The following TNFRSF10C variants were observed in gnomAD, a reference collection of about 807,000 sequenced individuals.
The protein encoded by TNFRSF10C is TNF receptor superfamily member 10c, also known as tumor necrosis factor receptor superfamily member 10C.
TNFRSF10C carries 17 observed loss-of-function variants against 16.7 expected under a neutral mutation model. The ratio of observed to expected loss-of-function variants is 1.02; its 90% CI spans 0.70 to 1.53. The LOEUF (loss-of-function observed/expected upper bound fraction) is 1.53. TNFRSF10C is among the 40% of genes most tolerant of loss of function. The pLI, the probability that TNFRSF10C is intolerant of heterozygous loss-of-function variation, is 0.00. For missense variants in TNFRSF10C, 237 were observed against 329.7 expected, an observed-to-expected ratio of 0.72 and a Z score of 2.18; for synonymous variants, 73 against 119.7, an observed-to-expected ratio of 0.61 and a Z score of 2.55.
At chr8:23,110,527 A>G (rs1159889785) in intron 1 of TNFRSF10C, among the ~76,000 whole-genome samples, 1 of 152,260 alleles carries the variant, frequency 6.6e-6, no homozygotes. Flanking sequence ...TTCTACAAAC[A>G]AGGAAATTAA....
Position 23,115,525 on chromosome 8 carries a change from T to C in TNFRSF10C, c.298T>C (p.Ser100Pro), listed in dbSNP as rs1221273036. ...GTTGTCAGATCAAAAACATAAAAGT[T>C]CCTGCACCATGACCAGAGACACAGT... ...VCKSDQKHKS[S>P]CTMTRDTVCQ... Residue 100 changes from serine (S) to proline (P), a missense_variant, in exon 4 of 5, where the codon TCC becomes CCC. Around this residue, in one of 2 missense-constraint regions of TNFRSF10C, gnomAD observed 212 missense variants for 196.8 expected, o/e 1.08. Coordinates refer to ENST00000356864, the MANE Select transcript of TNFRSF10C (RefSeq NM_003841.5). 3.1e-6 allele frequency: 5 copies of C among 1,612,802 alleles called. No homozygotes were observed. The highest frequency in any genetic ancestry group is 4.2e-6 in the Non-Finnish European group (5 of 1,179,368).
chr8:23,116,489 A>G, intron 4 of TNFRSF10C, 152 bp from the exon 5 acceptor site: 4 of 1,079,778 alleles, frequency 3.7e-6, no homozygotes, highest in South Asian at 1.6e-5. Context: ...CCCAGCCTCA[A>G]CGAGGGAACT....
intron 1 of TNFRSF10C, among the ~76,000 whole-genome samples, chr8:23,108,702 G>T (rs1813822746): frequency 6.6e-6 from 1 of 152,200 alleles, no homozygotes; most frequent in South Asian, 2.1e-4. Flanking sequence ...CTGTTTCTCT[G>T]CACTTGCTAG....
At chr8:23,116,460 G>A (rs1033084333) in intron 4 of TNFRSF10C, among the ~76,000 whole-genome samples, 181 bp from the exon 5 acceptor site, 1 of 152,316 alleles carries the variant, frequency 6.6e-6, no homozygotes, top group Admixed American at 6.5e-5. Context: ...GGGCTGAAAT[G>A]CGCATGCTCA....
intron 1 of TNFRSF10C, among the ~76,000 whole-genome samples, chr8:23,105,955 C>T (rs1813768025): frequency 6.6e-6 from 1 of 152,186 alleles, no homozygotes; most frequent in Non-Finnish European, 1.5e-5. Context: ...TCTGTCCTGC[C>T]CTTGGCCTCT....
Position 23,117,114 on chromosome 8 carries a change from C to A in TNFRSF10C, c.*83C>A. On this transcript the variant is annotated 3_prime_UTR_variant, in exon 5 of 5. Coordinates refer to ENST00000356864, the MANE Select transcript of TNFRSF10C (RefSeq NM_003841.5). ...CTGAGGGCGGGGGGCGCTGGACACT[C>A]TCTGCCCTGCCTCCCTCTGCTGTGT... 6.5e-7 allele frequency: 1 copy of A among 1,549,860 alleles called. No homozygotes were observed. The highest frequency in any genetic ancestry group is 1.2e-5 in the South Asian group (1 of 81,292).
chr8:23,103,250 G>C, intron 1 of TNFRSF10C, 69 bp downstream of exon 1: 1 of 1,570,416 alleles, frequency 6.4e-7, no homozygotes, highest in African/African-American at 1.3e-5. Context: ...AGGGAGACGG[G>C]GACACGGCAG....
chr8:23,103,056 C>G lies in TNFRSF10C; in HGVS notation c.-66C>G. ...GTTAGGGAACTCTGGGGACAGAGCG[C>G]CCCGGCCGCCTGATGGCCGAGGCAG... On this transcript the variant is annotated 5_prime_UTR_variant, in exon 1 of 5. Coordinates refer to ENST00000356864, the MANE Select transcript of TNFRSF10C (RefSeq NM_003841.5). 1 of 1,579,458 alleles carries G rather than the reference C, an allele frequency of 6.3e-7. No individual in the cohort carries two copies. The highest frequency in any genetic ancestry group is 1.2e-5 in the South Asian group (1 of 86,342).
At chr8:23,105,539 G>A (rs1307527845) in intron 1 of TNFRSF10C, among the ~76,000 whole-genome samples, 1 of 152,240 alleles carries the variant, frequency 6.6e-6, no homozygotes, top group Non-Finnish European at 1.5e-5. Flanking sequence ...CCACAGCCTG[G>A]TTTACCTGCC....
At chr8:23,106,080 T>C (rs570393770) in intron 1 of TNFRSF10C, among the ~76,000 whole-genome samples, 2 of 152,150 alleles carry the variant, frequency 1.3e-5, no homozygotes, top group African/African-American at 4.8e-5. Flanking sequence ...AAGTGATTCA[T>C]CCAGGAAGTA....
chr8:23,112,713 A>G (rs1813902421), intron 2 of TNFRSF10C, among the ~76,000 whole-genome samples: 2 of 152,156 alleles, frequency 1.3e-5, no homozygotes, highest in African/African-American at 4.8e-5. Flanking sequence ...TTAACTTTTC[A>G]TCCATCCATG....
rs1016885604 is a variant in TNFRSF10C at position 23,115,726 on chromosome 8, G to C, written c.389+110G>C. 5.0e-6 allele frequency: 4 copies of C among 805,362 alleles called. No individual in the cohort carries two copies. The African/African-American group carries it at 6.9e-5, about 14-fold the overall frequency. 49.9% of individuals were successfully genotyped at this position (805,362 alleles called of 1,614,324 possible). Reference sequence around the variant, plus strand: ...CCTATGGAGCCTCCAGACCCATGGGGTGTCCCTGAGCCTGTGGGGTCTCTT... The same window carrying C: ...CCTATGGAGCCTCCAGACCCATGGGCTGTCCCTGAGCCTGTGGGGTCTCTT... On this transcript the variant is annotated intron_variant, in intron 4 of 4. Transcript: ENST00000356864.
At chr8:23,107,253 C>G (rs184025419) in intron 1 of TNFRSF10C, among the ~76,000 whole-genome samples, 1 of 152,300 alleles carries the variant, frequency 6.6e-6, no homozygotes, top group East Asian at 1.9e-4. Flanking sequence ...GGAATCCACA[C>G]AGAATGCTTA....
chr8:23,104,159 A>C (rs1195642989), intron 1 of TNFRSF10C, among the ~76,000 whole-genome samples: 1 of 152,230 alleles, frequency 6.6e-6, no homozygotes, highest in Non-Finnish European at 1.5e-5. Context: ...TGAAGAGAGA[A>C]TGCATGGATG....
chr8:23,109,855 C>T (rs565318014), intron 1 of TNFRSF10C, among the ~76,000 whole-genome samples: 4 of 151,820 alleles, frequency 2.6e-5, no homozygotes, highest in Admixed American at 2.0e-4. Context: ...CACTTGAGCT[C>T]AGGAGTTAAA....
chr8:23,110,424 TAAAGA>T (rs1813859685), intron 1 of TNFRSF10C, among the ~76,000 whole-genome samples: 1 of 152,164 alleles, frequency 6.6e-6, no homozygotes, highest in South Asian at 2.1e-4. Context: ...ACTCCCAACT[TAAAGA>T]AAAGTTACAA....
intron 1 of TNFRSF10C, among the ~76,000 whole-genome samples, chr8:23,105,183 G>A (rs1221014102): frequency 6.6e-6 from 1 of 152,186 alleles, no homozygotes; most frequent in Non-Finnish European, 1.5e-5. Flanking sequence ...GCCCTGCCGT[G>A]CTCCCCCTCT....
At chr8:23,107,987 G>C (rs1286183265) in intron 1 of TNFRSF10C, among the ~76,000 whole-genome samples, 1 of 152,194 alleles carries the variant, frequency 6.6e-6, no homozygotes, top group Non-Finnish European at 1.5e-5. Context: ...GTTAGCGGTG[G>C]ATGAGATCCG....
chr8:23,107,134 G>A (rs1813793691), intron 1 of TNFRSF10C, among the ~76,000 whole-genome samples: 1 of 152,100 alleles, frequency 6.6e-6, no homozygotes, highest in Non-Finnish European at 1.5e-5. Flanking sequence ...CTTGAGCCCA[G>A]GAGTTCAAGA....
Sources: allele counts gnomAD v4.1 joint callset (sites outside exome capture counted in the v4.1 genomes callset), GRCh38; gene constraint gnomAD v4.1.1; regional missense constraint gnomAD v4.1.1; transcripts MANE v1.5; gene names NCBI Gene and HGNC (gene_info 2026-07-23, HGNC 2026-07-21).